The following SUGCT variants were observed in gnomAD, a reference collection of about 807,000 sequenced individuals.
The protein encoded by SUGCT is succinyl-CoA:glutarate-CoA transferase.
SUGCT carries 41 observed loss-of-function variants against 55.0 expected under a neutral mutation model. The ratio of observed to expected loss-of-function variants is 0.74; its 90% CI spans 0.58 to 0.97. The LOEUF (loss-of-function observed/expected upper bound fraction) is 0.97, where lower values mean the gene tolerates loss of function less well. Among genes scored for constraint, SUGCT ranks in the 50% least tolerant of loss-of-function variants. The pLI, the probability that SUGCT is intolerant of heterozygous loss-of-function variation, is 0.00. For synonymous variants in SUGCT, 187 were observed against 200.4 expected (o/e 0.93, Z 0.56); for missense variants, 568 against 547.8 (o/e 1.04, Z -0.37).
intron 13 of SUGCT, among the ~76,000 whole-genome samples, chr7:40,758,129 GA>G (rs1460375166): frequency 2.5e-3 from 377 of 152,258 alleles, no homozygotes; most frequent in African/African-American, 8.5e-3. Flanking sequence ...AGCTAGGAGT[GA>G]GTTGCTTGGC....
intron 8 of SUGCT, among the ~76,000 whole-genome samples, chr7:40,298,275 C>T (rs1279480173): frequency 1.3e-5 from 2 of 151,552 alleles, no homozygotes; most frequent in Non-Finnish European, 2.9e-5. Flanking sequence ...GGAAGGAAGA[C>T]AGATTTTTTA....
intron 12 of SUGCT, chr7:40,684,213 G>T: frequency 6.7e-7 from 1 of 1,488,756 alleles, no homozygotes; most frequent in South Asian, 1.5e-5. Flanking sequence ...TCCATATCAA[G>T]GTTTGTGACC....
the SUGCT span, among the ~76,000 whole-genome samples, chr7:40,932,472 A>G: frequency 6.6e-6 from 1 of 152,044 alleles, no homozygotes; most frequent in African/African-American, 2.4e-5. Context: ...CAAGTCCTGG[A>G]TATCTTTGTT....
the SUGCT span, among the ~76,000 whole-genome samples, chr7:40,952,997 C>G: frequency 2.0e-5 from 3 of 152,090 alleles, no homozygotes; most frequent in Non-Finnish European, 4.4e-5. Context: ...TGAATGTTGG[C>G]CTGCCTTGCT....
At chr7:40,448,924 ATGTG>A (rs778913706) in intron 9 of SUGCT, among the ~76,000 whole-genome samples, 2,852 of 145,144 alleles carry the variant, frequency 0.02, 33 homozygotes, top group Non-Finnish European at 0.022. Flanking sequence ...GTGTGTATAT[ATGTG>A]TGTGTGTGTG....
downstream of SUGCT, among the ~76,000 whole-genome samples, chr7:40,864,035 C>T (rs192311632): frequency 9.9e-5 from 15 of 152,238 alleles, no homozygotes; most frequent in African/African-American, 3.4e-4. Flanking sequence ...AGTACAATTG[C>T]GTTTCTTACT....
chr7:40,906,185 C>T, the SUGCT span, among the ~76,000 whole-genome samples: 1 of 151,226 alleles, frequency 6.6e-6, no homozygotes, highest in Non-Finnish European at 1.5e-5. Flanking sequence ...TGGTGGAGAA[C>T]ATTTTTGATA....
At chr7:40,584,740 A>T (rs1584051835) in intron 12 of SUGCT, among the ~76,000 whole-genome samples, 1 of 152,198 alleles carries the variant, frequency 6.6e-6, no homozygotes, top group East Asian at 1.9e-4. Flanking sequence ...ATTGTTCCAA[A>T]TCCCATGTTG....
At chr7:41,017,437 T>C in the SUGCT span, among the ~76,000 whole-genome samples, 2 of 152,172 alleles carry the variant, frequency 1.3e-5, no homozygotes, top group Non-Finnish European at 2.9e-5. Context: ...ATCAAGGATA[T>C]CAAAGAAACA....
chr7:40,149,723 G>A (rs1309672104), intron 1 of SUGCT, among the ~76,000 whole-genome samples: 1 of 152,128 alleles, frequency 6.6e-6, no homozygotes, highest in Non-Finnish European at 1.5e-5. Flanking sequence ...TTCACGACCA[G>A]CCTGGCCATC....
the SUGCT span, among the ~76,000 whole-genome samples, chr7:40,954,481 C>T: frequency 0.04 from 6,096 of 152,218 alleles, 140 homozygotes; most frequent in South Asian, 0.074. Flanking sequence ...TCTGACAAGC[C>T]CCAGTGAGAT....
chr7:40,773,168 A>C (rs1053388522), intron 13 of SUGCT, among the ~76,000 whole-genome samples: 16 of 151,388 alleles, frequency 1.1e-4, no homozygotes, highest in African/African-American at 3.9e-4. Flanking sequence ...TGCTCTTGTC[A>C]CCCAGGCTGG....
At chr7:40,352,772 G>A (rs1797700929) in intron 9 of SUGCT, among the ~76,000 whole-genome samples, 2 of 152,290 alleles carry the variant, frequency 1.3e-5, no homozygotes, top group South Asian at 4.1e-4. Context: ...AATGACGTAT[G>A]TATTCCTTTG....
chr7:40,369,903 A>G (rs1420835852), intron 9 of SUGCT, among the ~76,000 whole-genome samples: 1 of 152,194 alleles, frequency 6.6e-6, no homozygotes, highest in African/African-American at 2.4e-5. Context: ...GGCTCTGGCA[A>G]GATTAGTGAG....
chr7:40,312,050 G>GTT (rs35487000), intron 8 of SUGCT, among the ~76,000 whole-genome samples: 72,722 of 144,838 alleles, frequency 0.5, 19,453 homozygotes, highest in Non-Finnish European at 0.61. Context: ...CCTCACATAA[G>GTT]TTTTTTTTTT....
chr7:40,832,268 C>T (rs1359659297), intron 13 of SUGCT, among the ~76,000 whole-genome samples: 1 of 152,166 alleles, frequency 6.6e-6, no homozygotes, highest in Non-Finnish European at 1.5e-5. Flanking sequence ...CATGAAACCT[C>T]TCAGGGCCTT....
At chr7:40,452,830 C>T (rs1213175808) in intron 10 of SUGCT, among the ~76,000 whole-genome samples, 1 of 152,142 alleles carries the variant, frequency 6.6e-6, no homozygotes, top group Non-Finnish European at 1.5e-5. Context: ...ACTTTTCCCA[C>T]TTACCCCGAG....
intron 11 of SUGCT, among the ~76,000 whole-genome samples, chr7:40,491,623 A>T (rs946049512): frequency 6.6e-6 from 1 of 151,968 alleles, no homozygotes; most frequent in Non-Finnish European, 1.5e-5. Context: ...AAGATGGCTT[A>T]GGTGAGTAAA....
the SUGCT span, among the ~76,000 whole-genome samples, chr7:40,952,553 G>A: frequency 2.6e-5 from 4 of 152,146 alleles, no homozygotes; most frequent in African/African-American, 9.7e-5. Flanking sequence ...TAGCATCAAT[G>A]GTCTTTACAA....
Sources: gnomAD v4.1 joint callset for allele counts (sites outside exome capture counted in the v4.1 genomes callset) on GRCh38, gnomAD v4.1.1 for gene constraint, MANE v1.5 for transcripts, NCBI Gene and HGNC (gene_info 2026-07-23, HGNC 2026-07-21) for gene names.